SIGIRR: variants seen among roughly 807,000 people sequenced by gnomAD.
SIGIRR encodes single Ig and TIR domain containing.
Under a neutral mutation model 45.6 loss-of-function variants are expected in SIGIRR, and 41 were observed. The ratio of observed to expected loss-of-function variants is 0.90; its 90% CI spans 0.70 to 1.17. SIGIRR has a LOEUF of 1.17. Ranked by LOEUF, SIGIRR falls within the 50% of genes most tolerant of loss-of-function variation. SIGIRR has a pLI of 0.00. For synonymous variants in SIGIRR, 298 were observed against 239.0 expected (o/e 1.25, Z -2.28); for missense variants, 599 against 539.6 (o/e 1.11, Z -1.09).
chr11:406,714 T>TC, intron 8 of SIGIRR, 129 bp downstream of exon 8: 5 of 1,408,742 alleles, frequency 3.5e-6, no homozygotes, highest in Admixed American at 2.8e-5. Flanking sequence ...CAGCGGAACC[T>TC]CCCCCCAGGG....
In SIGIRR at chr11:405,891, G is replaced by A. The variant is rs1847265668; in HGVS notation, c.*5C>T. 1 of 1,588,988 alleles carries A rather than the reference G, an allele frequency of 6.3e-7. No homozygotes were observed. Reference sequence around the variant, plus strand: ...TCCCTATGATCCTGCACTCTGGGGTGGGAGCTACATATCATCCTTGGACAC... The same window carrying A: ...TCCCTATGATCCTGCACTCTGGGGTAGGAGCTACATATCATCCTTGGACAC... On this transcript the variant is annotated 3_prime_UTR_variant, in exon 10 of 10. Transcript: ENST00000431843.
Position 407,119 on chromosome 11 carries a change from A to T in SIGIRR, c.671T>A (p.Leu224His). The T allele has an allele frequency of 4.6e-6, 7 of 1,520,574 alleles. No individual in the cohort carries two copies. Among genetic ancestry groups the T allele is most frequent in the Admixed American group, 2.0e-5 (1 of 51,050 alleles). The allele number at this position is 1,520,574 out of a possible 1,614,324, so 94.2% of individuals were successfully genotyped here. Reference sequence around the variant, plus strand: ...GAAGGCGTCCGAAAGCACCACGATGAGGCGTCGGCAGCGGCTCAGGTTCAC... The same window carrying T: ...GAAGGCGTCCGAAAGCACCACGATGTGGCGTCGGCAGCGGCTCAGGTTCAC... The part of the protein sequence containing the change: ...LLVNLSRCRR[L>H]IVVLSDAFLS... The change falls in exon 7 of 10, where the codon CTC becomes CAC. Residue 224 changes from leucine (L) to histidine (H), a missense_variant. Coordinates refer to ENST00000431843, the MANE Select transcript of SIGIRR (RefSeq NM_001135054.2).
upstream of SIGIRR, among the ~76,000 whole-genome samples, chr11:415,976 C>G (rs997789798): frequency 6.6e-6 from 1 of 152,118 alleles, no homozygotes; most frequent in African/African-American, 2.4e-5. This position sits in a 1 kb window ranked among gnomAD's most constrained non-coding sequence, Gnocchi z 6.6. Context: ...AGCAGGCTTT[C>G]TACAGGTACT....
At position 407,840 on chromosome 11, in the gene SIGIRR, G is replaced by A. The variant is rs1402473133; in HGVS notation, c.458C>T (p.Ala153Val). The A allele has an allele frequency of 1.2e-6, 2 of 1,612,580 alleles. No homozygotes were observed. Among genetic ancestry groups the A allele is most frequent in the South Asian group, 2.2e-5 (2 of 91,088 alleles). Residue 153 changes from alanine (A) to valine (V), a missense_variant, in exon 5 of 10, where the codon GCG becomes GTG. Transcript: ENST00000431843. ...RLNVLLWYQDAYGEVEINDGK... is the reference protein window; with the variant it reads ...RLNVLLWYQDVYGEVEINDGK... ...ACCGTTTATCTCCACCTCCCCATACGCGTCCTGGTACCAGAGCAGCACGTT... is the reference window on the plus strand; with the variant it reads ...ACCGTTTATCTCCACCTCCCCATACACGTCCTGGTACCAGAGCAGCACGTT...
chr11:407,704 G>T, intron 5 of SIGIRR, 113 bp downstream of exon 5: 1 of 1,563,900 alleles, frequency 6.4e-7, no homozygotes, highest in Non-Finnish European at 8.7e-7. Flanking sequence ...GGGCCGCACA[G>T]AGCACCCGGG....
At chr11:411,534 G>C (rs1847624050) in intron 1 of SIGIRR, among the ~76,000 whole-genome samples, 1 of 59,190 alleles carries the variant, frequency 1.7e-5, no homozygotes, top group Non-Finnish European at 3.4e-5. Context: ...GCCCAGCTCT[G>C]ACCATGTCTG....
chr11:406,324 G>T, intron 9 of SIGIRR, 25 bp downstream of exon 9: 1 of 1,609,580 alleles, frequency 6.2e-7, no homozygotes, highest in Non-Finnish European at 8.5e-7. Flanking sequence ...TTCTCCAGTT[G>T]GGGAGTGGGG....
chr11:407,693 C>T (rs1590373607), intron 5 of SIGIRR, 124 bp downstream of exon 5: 1 of 1,561,052 alleles, frequency 6.4e-7, no homozygotes, highest in Non-Finnish European at 8.7e-7. Flanking sequence ...TAACCCCAGC[C>T]GGGCCGCACA....
Position 408,129 on chromosome 11 carries a change from GC to G in SIGIRR, c.283del (p.Ala95ProfsTer65), listed in dbSNP as rs745615956. 11 of 1,612,688 alleles carry G rather than the reference GC, an allele frequency of 6.8e-6. No homozygotes were observed. The African/African-American group carries it at 1.2e-4, about 18-fold the overall frequency. ...VNVTSTEVYGAFTCSIQNISF... is the reference protein window; with the variant it reads ...VNVTSTEVYGXFTCSIQNISF... Reference sequence around the variant, plus strand: ...GATGTTCTGGATGGAGCAGGTGAAGGCCCCATAGACTTCAGTGCTGGTCACG... The same window carrying G: ...GATGTTCTGGATGGAGCAGGTGAAGGCCCATAGACTTCAGTGCTGGTCACG... On this transcript the variant is annotated frameshift_variant, in exon 4 of 10. Transcript: ENST00000431843. LOFTEE classifies it high-confidence loss of function.
Position 409,050 on chromosome 11 carries a change from G to A in SIGIRR, c.8-157C>T, listed in dbSNP as rs1046566709. ...CCCATGGGGACAGGCTTAGCACTTG[G>A]CACGTCTTTCCCCAGTAGTGGCCAG... On this transcript the variant is annotated intron_variant, in intron 2 of 9. Coordinates refer to ENST00000431843, the MANE Select transcript of SIGIRR (RefSeq NM_001135054.2). 11 of 686,794 alleles carry A rather than the reference G, an allele frequency of 1.6e-5. No individual in the cohort carries two copies. In the African/African-American group the frequency reaches 1.8e-4, roughly 11 times the overall value. The allele number at this position is 686,794 out of a possible 1,614,324, so 42.5% of individuals were successfully genotyped here.
chr11:415,301 G>A (rs1013891683), upstream of SIGIRR, among the ~76,000 whole-genome samples: 10 of 151,262 alleles, frequency 6.6e-5, no homozygotes, highest in Middle Eastern at 3.4e-3. The surrounding 1 kb of genome is among the most constrained non-coding windows in gnomAD (Gnocchi z 6.6). Flanking sequence ...GTGTGCGTGC[G>A]TTTGTGTGTG....
chr11:405,842 A>G lies in SIGIRR; in HGVS notation c.*54T>C. On this transcript the variant is annotated 3_prime_UTR_variant, in exon 10 of 10. Coordinates refer to ENST00000431843, the MANE Select transcript of SIGIRR (RefSeq NM_001135054.2). ...TGTGGTCCTGTTGAGCAGAGGAGCG[A>G]CGCCGCTGCCCTGGCCCCCGCTGTC... 1 of 1,532,802 alleles carries G rather than the reference A, an allele frequency of 6.5e-7. No individual in the cohort carries two copies. Among genetic ancestry groups the G allele is most frequent in the South Asian group, 1.2e-5 (1 of 80,554 alleles). 95.0% of individuals were successfully genotyped at this position (1,532,802 alleles called of 1,614,324 possible).
At chr11:415,207 C>CGTGTGTGTGTGTGTGTGTGTGTGTGT (rs71022908), upstream of SIGIRR, among the ~76,000 whole-genome samples, 1 of 144,486 alleles carries the variant, frequency 6.9e-6, no homozygotes. The surrounding 1 kb of genome is among the most constrained non-coding windows in gnomAD (Gnocchi z 6.6). Context: ...CTCTGTGCAG[C>CGTGTGTGTGTGTGTGTGTGTGTGTGT]GTGTGTGTGT....
chr11:407,119 A>G lies in SIGIRR; in HGVS notation c.671T>C (p.Leu224Pro). The change falls in exon 7 of 10, where the codon CTC becomes CCC. Residue 224 changes from leucine to proline, a missense_variant. By Grantham distance (98) the Leu-to-Pro change is moderately conservative. Transcript: ENST00000431843. ...GAAGGCGTCCGAAAGCACCACGATG[A>G]GGCGTCGGCAGCGGCTCAGGTTCAC... is the stretch of plus-strand genomic sequence containing the variant. ...LLVNLSRCRRLIVVLSDAFLS... is the reference protein window; with the variant it reads ...LLVNLSRCRRPIVVLSDAFLS... The G allele has an allele frequency of 6.6e-7, 1 of 1,520,578 alleles. No homozygotes were observed. The highest frequency in any genetic ancestry group is 8.8e-7 in the Non-Finnish European group (1 of 1,139,830). 94.2% of individuals were successfully genotyped at this position (1,520,578 alleles called of 1,614,324 possible).
Position 407,587 on chromosome 11 carries a change from C to A in SIGIRR, c.482-19G>T. ...TTCCCGTCTGCGGACGGCGGCCAGTCACCCCGATGGCTCCCGAGGCCTCAC... is the reference window on the plus strand; with the variant it reads ...TTCCCGTCTGCGGACGGCGGCCAGTAACCCCGATGGCTCCCGAGGCCTCAC... On this transcript the variant is annotated intron_variant, in intron 5 of 9. Coordinates refer to ENST00000431843, the MANE Select transcript of SIGIRR (RefSeq NM_001135054.2). 1 of 1,603,962 alleles carries A rather than the reference C, an allele frequency of 6.2e-7. No homozygotes were observed. The highest frequency in any genetic ancestry group is 1.1e-5 in the South Asian group (1 of 90,350).
In SIGIRR at chr11:407,140, T is replaced by G; in HGVS notation, c.650A>C (p.Asn217Thr). 6.5e-7 allele frequency: 1 copy of G among 1,541,784 alleles called. No homozygotes were observed. ...GATGAGGCGTCGGCAGCGGCTCAGGTTCACCAAGAGGTCGGCGGAGGGCTC... is the reference window on the plus strand; with the variant it reads ...GATGAGGCGTCGGCAGCGGCTCAGGGTCACCAAGAGGTCGGCGGAGGGCTC... The part of the protein sequence containing the change: ...RAEPSADLLV[N>T]LSRCRRLIVV... The change falls in exon 7 of 10, where the codon AAC becomes ACC. Residue 217 changes from asparagine to threonine, a missense_variant. Transcript: ENST00000431843.
At chr11:410,744 G>GGC in intron 1 of SIGIRR, among the ~76,000 whole-genome samples, 1 of 83,142 alleles carries the variant, frequency 1.2e-5, no homozygotes. Context: ...GGATGCAGTC[G>GGC]GGGGGTGCCC....
intron 2 of SIGIRR, 75 bp from the exon 3 acceptor site, chr11:408,968 C>T: frequency 7.1e-7 from 1 of 1,399,034 alleles, no homozygotes; most frequent in Non-Finnish European, 1.0e-6. Context: ...GTCCGTGGTG[C>T]AGGAAGAAAT....
intron 2 of SIGIRR, 72 bp from the exon 3 acceptor site, chr11:408,965 G>C: frequency 1.4e-6 from 2 of 1,423,858 alleles, no homozygotes; most frequent in South Asian, 1.2e-5. Context: ...GTGGTCCGTG[G>C]TGCAGGAAGA....
Sources: allele counts gnomAD v4.1 joint callset (sites outside exome capture counted in the v4.1 genomes callset), GRCh38; gene constraint gnomAD v4.1.1; non-coding constraint Gnocchi (gnomAD v3.1); transcripts MANE v1.5; gene names NCBI Gene and HGNC (gene_info 2026-07-23, HGNC 2026-07-21).